HLA-DPA1: variants seen among roughly 807,000 people sequenced by gnomAD.
HLA-DPA1 encodes HLA class II histocompatibility antigen, DP alpha 1 chain.
Under a neutral mutation model 21.5 loss-of-function variants are expected in HLA-DPA1, and 20 were observed. The observed-to-expected ratio is 0.93, with a 90% CI of 0.66 to 1.35. The LOEUF is 1.35. HLA-DPA1 is among the 40% of genes most tolerant of loss of function. HLA-DPA1 has a pLI of 0.00. For missense variants in HLA-DPA1, 279 were observed against 323.0 expected (o/e 0.86, Z 1.05); for synonymous variants, 123 against 129.6 (o/e 0.95, Z 0.35).
intron 5 of HLA-DPA1, chr6:33,067,081 G>A (rs1402726665): frequency 6.6e-6 from 1 of 152,220 alleles, no homozygotes; most frequent in African/African-American, 2.4e-5. Flanking sequence ...TTCCAGGGAT[G>A]CAGGTCAGGC....
At position 33,079,855 on chromosome 6, in the gene HLA-DPA1, G is replaced by A. The variant is rs1417401050; in HGVS notation, c.-100+825C>T. 1.8e-5 allele frequency: 6 copies of A among 342,084 alleles called. No individual in the cohort carries two copies. In the East Asian group the frequency reaches 4.7e-4, roughly 27 times the overall value. The allele number at this position is 342,084 out of a possible 1,614,324, so 21.2% of individuals were successfully genotyped here. Reference sequence around the variant, plus strand: ...TACCAGGGTGCACAGCTAAGAAAATGAGTAGAAAGTTCATGTCCACGTTTT... The same window carrying A: ...TACCAGGGTGCACAGCTAAGAAAATAAGTAGAAAGTTCATGTCCACGTTTT... On this transcript the variant is annotated intron_variant, in intron 1 of 5. Transcript: ENST00000419277.
chr6:33,069,742 G>T, exon 3 of HLA-DPA1: 3 of 1,612,652 alleles, frequency 1.9e-6, no homozygotes, highest in Non-Finnish European at 2.5e-6. Context: ...AAAGGAAAAG[G>T]CTTGGCCAAA....
At chr6:33,069,855 T>A in exon 3 of HLA-DPA1, 1 of 1,609,956 alleles carries the variant, frequency 6.2e-7, no homozygotes, top group Non-Finnish European at 8.5e-7. Flanking sequence ...TATGCGTCTG[T>A]ACAAACGCGG....
chr6:33,068,478 G>A (rs940238779), intron 5 of HLA-DPA1, 160 bp downstream of exon 4: 19 of 590,978 alleles, frequency 3.2e-5, no homozygotes, highest in South Asian at 7.6e-5. Context: ...TCAGAATAGC[G>A]CCTGACCATA....
In HLA-DPA1 at chr6:33,069,810, T is replaced by G. The variant is rs2308910; in HGVS notation, c.177A>C (p.Glu59Asp). ...CCAGATCCACATAGAACATCTCATC[T>G]TCATCAAATTCAAACATAAACTCCC... Residue 59 changes from glutamate (E) to aspartate (D), a missense_variant, in exon 3 of 6, where the codon GAA becomes GAC. By Grantham distance (45) the Glu-to-Asp change is conservative (BLOSUM62 2). Coordinates refer to ENST00000419277, the Ensembl canonical transcript of HLA-DPA1. The G allele has an allele frequency of 5.5e-3, 8,928 of 1,610,928 alleles. 42 individuals carry two copies. The highest frequency in any genetic ancestry group is 7.9e-3 in the South Asian group (716 of 90,954).
chr6:33,073,547 G>A, exon 2 of HLA-DPA1: 1 of 1,612,760 alleles, frequency 6.2e-7, no homozygotes, highest in Non-Finnish European at 8.5e-7. Flanking sequence ...CTCTGATATG[G>A]AACATTCTGT....
chr6:33,068,860 T>C lies in HLA-DPA1; in HGVS notation c.629-56A>G, dbSNP rs543788602. 2.5e-6 allele frequency: 4 copies of C among 1,586,806 alleles called. No individual in the cohort carries two copies. In the Admixed American group the frequency reaches 6.8e-5, roughly 27 times the overall value. ...AGGTGCAGTGAGGGTGGTGATGGCC[T>C]GGGATGGTTGTGGGAATTGAAGGTT... is the stretch of plus-strand genomic sequence containing the variant. On this transcript the variant is annotated intron_variant, in intron 4 of 5. Coordinates refer to ENST00000419277, the Ensembl canonical transcript of HLA-DPA1.
intron 1 of HLA-DPA1, among the ~76,000 whole-genome samples, chr6:33,077,283 T>G (rs1290722045): frequency 2.6e-5 from 4 of 152,054 alleles, no homozygotes; most frequent in Admixed American, 2.0e-4. Flanking sequence ...TATTCCATGG[T>G]GTATATGTGT....
intron 2 of HLA-DPA1, among the ~76,000 whole-genome samples, chr6:33,070,247 AT>A (rs67035222): frequency 0.29 from 43,390 of 151,970 alleles, 8,100 homozygotes; most frequent in East Asian, 0.66. Context: ...TACTTTACAT[AT>A]TTCACTCGCT....
chr6:33,065,094 G>A (rs992616382), exon 6 of HLA-DPA1: 8 of 152,102 alleles, frequency 5.3e-5, no homozygotes, highest in African/African-American at 1.9e-4. Flanking sequence ...GAGAACAGAG[G>A]ATAAAAGGCT....
chr6:33,067,736 C>G (rs1054031), intron 5 of HLA-DPA1: 43,713 of 151,688 alleles, frequency 0.29, 8,277 homozygotes, highest in East Asian at 0.68. Context: ...CTACATATTA[C>G]AGAGGATCTA....
chr6:33,078,189 G>A (rs3135022), intron 1 of HLA-DPA1, among the ~76,000 whole-genome samples: 88,010 of 151,960 alleles, frequency 0.58, 28,224 homozygotes, highest in East Asian at 0.85. Flanking sequence ...AAGGGAGGAC[G>A]GGCAAAGGCT....
rs1762777132 is a variant in HLA-DPA1 at position 33,080,471 on chromosome 6, T to C, written c.-100+209A>G. 3 of 763,370 alleles carry C rather than the reference T, an allele frequency of 3.9e-6. No homozygotes were observed. Among genetic ancestry groups the C allele is most frequent in the Non-Finnish European group, 4.6e-6 (2 of 430,474 alleles). The allele number at this position is 763,370 out of a possible 1,614,324, so 47.3% of individuals were successfully genotyped here. ...AGCTCATTCTTTTCAGTAAATTCTC[T>C]CTCTGCGTGGTGAGAAAACAGGCCT... On this transcript the variant is annotated intron_variant, in intron 1 of 5. Transcript: ENST00000419277. The surrounding 1 kb of genome is among the most constrained non-coding windows in gnomAD (Gnocchi z 4.3).
chr6:33,065,652 A>C (rs1761922148), intron 5 of HLA-DPA1: 1 of 152,284 alleles, frequency 6.6e-6, no homozygotes, highest in Non-Finnish European at 1.5e-5. Context: ...GCAGAGAAGA[A>C]GCTTAACCCT....
At chr6:33,068,339 T>G (rs3180555) in intron 5 of HLA-DPA1, 65,494 of 265,874 alleles carry the variant, frequency 0.25, 11,509 homozygotes, top group East Asian at 0.62. Context: ...TGTGGGAACT[T>G]GATCAAAGTG....
intron 1 of HLA-DPA1, among the ~76,000 whole-genome samples, chr6:33,078,874 G>A (rs146322130): frequency 7.2e-5 from 11 of 152,344 alleles, no homozygotes; most frequent in Admixed American, 1.3e-4. Context: ...TCCACACTCA[G>A]AGTGGGGCAA....
At chr6:33,069,369 GA>G in intron 3 of HLA-DPA1, 69 bp from the exon 3 acceptor site, 2 of 1,470,056 alleles carry the variant, frequency 1.4e-6, no homozygotes, top group Non-Finnish European at 1.9e-6. Context: ...CCTCTTAGGG[GA>G]GGGTGGTCCT....
In HLA-DPA1 at chr6:33,071,068, C is replaced by T. The variant is rs138702937; in HGVS notation, c.101-1182G>A. On this transcript the variant is annotated intron_variant, in intron 2 of 5. Transcript: ENST00000419277. ...GAAGGAACTACGGGACTCTTCTGCTCTCACCTCCCAACTCACAGATTTCCC... is the reference window on the plus strand; with the variant it reads ...GAAGGAACTACGGGACTCTTCTGCTTTCACCTCCCAACTCACAGATTTCCC... Among the ~76,000 whole-genome samples, 542 of 150,800 alleles carry T rather than the reference C, an allele frequency of 3.6e-3. 2 individuals are homozygous for T. The highest frequency in any genetic ancestry group is 0.026 in the East Asian group (133 of 5,064).
intron 5 of HLA-DPA1, 122 bp downstream of exon 4, chr6:33,068,516 G>T: frequency 6.7e-6 from 5 of 741,244 alleles, no homozygotes; most frequent in East Asian, 2.7e-5. Context: ...TATCGGTGTT[G>T]TTGTTGTTAT....
Sources: allele counts gnomAD v4.1 joint callset (sites outside exome capture counted in the v4.1 genomes callset), GRCh38; gene constraint gnomAD v4.1.1; non-coding constraint Gnocchi (gnomAD v3.1); transcripts MANE v1.5; gene names NCBI Gene and HGNC (gene_info 2026-07-23, HGNC 2026-07-21).